Variants in NPHS2 observed in about 807,000 individuals in gnomAD.
The protein encoded by NPHS2 is podocin.
Under a neutral mutation model 37.1 loss-of-function variants are expected in NPHS2, and 36 were observed. The ratio of observed to expected loss-of-function variants is 0.97; its 90% CI spans 0.74 to 1.28. NPHS2 has a LOEUF of 1.28. NPHS2 is among the 50% of genes most tolerant of loss of function. NPHS2 has a pLI of 0.00. For synonymous variants in NPHS2, 196 were observed against 189.3 expected, an observed-to-expected ratio of 1.04 and a Z score of -0.29; for missense variants, 447 against 488.1, an observed-to-expected ratio of 0.92 and a Z score of 0.79.
At position 179,551,332 on chromosome 1, in the gene NPHS2, G is replaced by A; in HGVS notation, c.993C>T (p.Ser331=). Reference sequence around the variant, plus strand: ...AAACCACAGTGGAAGGCTTCTCTGTGGACAGAGACTGAAGGGTGTGGAGGT... The same window carrying A: ...AAACCACAGTGGAAGGCTTCTCTGTAGACAGAGACTGAAGGGTGTGGAGGT... The part of the protein sequence containing the change: ...LRYLHTLQSL[S]TEKPSTVVLP... Residue 331 remains serine, a synonymous_variant, in exon 8 of 8, where the codon TCC becomes TCT. Transcript: ENST00000367615. 6.2e-7 allele frequency: 1 copy of A among 1,614,162 alleles called. No individual in the cohort carries two copies. The highest frequency in any genetic ancestry group is 1.3e-5 in the African/African-American group (1 of 75,048).
At chr1:179,575,223 G>T (rs1251651904) in intron 1 of NPHS2, among the ~76,000 whole-genome samples, 1 of 152,134 alleles carries the variant, frequency 6.6e-6, no homozygotes, top group Non-Finnish European at 1.5e-5. Context: ...ACAGCCTACA[G>T]CCACCAGCTC....
At chr1:179,571,067 A>G (rs1674533626) in intron 1 of NPHS2, among the ~76,000 whole-genome samples, 1 of 152,220 alleles carries the variant, frequency 6.6e-6, no homozygotes. Context: ...TACTTCTGTC[A>G]AGTCCTCAAA....
chr1:179,573,272 C>A (rs1243633079), intron 1 of NPHS2, among the ~76,000 whole-genome samples: 1 of 152,146 alleles, frequency 6.6e-6, no homozygotes, highest in Non-Finnish European at 1.5e-5. Context: ...GCAAGCTGCA[C>A]CAGCACAAAA....
chr1:179,557,552 T>C (rs919785724), intron 4 of NPHS2, among the ~76,000 whole-genome samples: 12 of 152,190 alleles, frequency 7.9e-5, no homozygotes, highest in Non-Finnish European at 1.8e-4. Flanking sequence ...AAGAGAAGCA[T>C]GTTCTGGGAA....
chr1:179,550,552 C>CT lies in NPHS2; in HGVS notation c.*620dup, dbSNP rs1259791335. 4 of 152,308 alleles carry CT rather than the reference C, an allele frequency of 2.6e-5. No homozygotes were observed. The highest frequency in any genetic ancestry group is 6.5e-5 in the Admixed American group (1 of 15,286). The allele number at this position is 152,308 out of a possible 1,614,324, so 9.4% of individuals were successfully genotyped here. A position where few individuals can be genotyped will look rare whatever the true frequency, so the allele number is the denominator to read the frequency against. On this transcript the variant is annotated 3_prime_UTR_variant, in exon 8 of 8. Transcript: ENST00000367615. ...CCACAAAAAGAATTCCTTTTAAATG[C>CT]TTTAATTAGGGATAAATTGTATATC...
Position 179,559,731 on chromosome 1 carries a change from G to C in NPHS2, c.482C>G (p.Thr161Ser). 2 of 1,591,372 alleles carry C rather than the reference G, an allele frequency of 1.3e-6. No homozygotes were observed. Residue 161 changes from threonine to serine, a missense_variant, in exon 4 of 8, where the codon ACC (threonine) becomes AGC (serine). By Grantham distance (58) the Thr-to-Ser change is moderately conservative. Transcript: ENST00000367615. ...GAGACGAAGGTCAACCTTGTGGTAGGTATCCAGGCAGGGCAAAAAAAAGAA... is the reference window on the plus strand; with the variant it reads ...GAGACGAAGGTCAACCTTGTGGTAGCTATCCAGGCAGGGCAAAAAAAAGAA... Reference protein sequence around the residue: ...GLFFFLPCLDTYHKVDLRLQT... With the variant: ...GLFFFLPCLDSYHKVDLRLQT...
Position 179,551,961 on chromosome 1 carries a change from A to G in NPHS2, c.874-510T>C, listed in dbSNP as rs184323839. On this transcript the variant is annotated intron_variant, in intron 7 of 7. Coordinates refer to ENST00000367615, the MANE Select transcript of NPHS2 (RefSeq NM_014625.4). ...CCCTTCCTCATCCCCGCCTCCCCTC[A>G]GTGATCCACAGGCAATGATCCTCTT... 53 of 172,154 alleles carry G rather than the reference A, an allele frequency of 3.1e-4. 1 individual carries two copies. In the East Asian group the frequency reaches 8.0e-3, roughly 26 times the overall value. 10.7% of individuals were successfully genotyped at this position (172,154 alleles called of 1,614,324 possible). A position where few individuals can be genotyped will look rare whatever the true frequency, so the allele number is the denominator to read the frequency against.
chr1:179,556,936 A>C lies in NPHS2; in HGVS notation c.738+91T>G. The C allele has an allele frequency of 8.1e-6, 10 of 1,227,064 alleles. No homozygotes were observed. Among genetic ancestry groups the C allele is most frequent in the African/African-American group, 1.5e-5 (1 of 66,704 alleles). The allele number at this position is 1,227,064 out of a possible 1,614,324, so 76.0% of individuals were successfully genotyped here. A position where few individuals can be genotyped will look rare whatever the true frequency, so the allele number is the denominator to read the frequency against. ...AAAGGGATGGCCCCTAAGGGATGGA[A>C]CTGGCCATAGAAGATTTAATAAATG... On this transcript the variant is annotated intron_variant, in intron 5 of 7. Coordinates refer to ENST00000367615, the MANE Select transcript of NPHS2 (RefSeq NM_014625.4). The surrounding 1 kb of genome is among the most constrained non-coding windows in gnomAD (Gnocchi z 4.1).
Position 179,551,300 on chromosome 1 carries a change from A to G in NPHS2, c.1025T>C (p.Leu342Ser). The G allele has an allele frequency of 6.2e-7, 1 of 1,614,134 alleles. No individual in the cohort carries two copies. Among genetic ancestry groups the G allele is most frequent in the South Asian group, 1.1e-5 (1 of 91,078 alleles). ...CAGGCAATTCAGTAGGTCAAATGGCAAAGGTAAAACCACAGTGGAAGGCTT... is the reference window on the plus strand; with the variant it reads ...CAGGCAATTCAGTAGGTCAAATGGCGAAGGTAAAACCACAGTGGAAGGCTT... Reference protein sequence around the residue: ...TEKPSTVVLPLPFDLLNCLSS... With the variant: ...TEKPSTVVLPSPFDLLNCLSS... The change falls in exon 8 of 8, where the codon TTG becomes TCG. Residue 342 changes from leucine to serine, a missense_variant. By Grantham distance (145) the Leu-to-Ser change is moderately radical. Transcript: ENST00000367615.
chr1:179,552,577 T>G (rs763475216), intron 7 of NPHS2, 26 bp downstream of exon 7: 1 of 1,599,558 alleles, frequency 6.3e-7, no homozygotes, highest in South Asian at 1.1e-5. Flanking sequence ...TAAAGGGCAG[T>G]CTGGGTGGGA....
At chr1:179,564,856 T>G (rs1299496216) in intron 1 of NPHS2, 63 bp from the exon 2 acceptor site, 2 of 1,304,812 alleles carry the variant, frequency 1.5e-6, no homozygotes, top group Non-Finnish European at 2.2e-6. Flanking sequence ...CTGACTAGCA[T>G]CTGTTGGTCC....
In NPHS2 at chr1:179,550,961, C is replaced by T; in HGVS notation, c.*212G>A. ...AAGCTGTTTCCCATAATTGCTCTGA[C>T]TAGATGAGTCACGGAAACATGTTGT... On this transcript the variant is annotated 3_prime_UTR_variant, in exon 8 of 8. Coordinates refer to ENST00000367615, the MANE Select transcript of NPHS2 (RefSeq NM_014625.4). 1.6e-6 allele frequency: 1 copy of T among 620,976 alleles called. No individual in the cohort carries two copies. 38.5% of individuals were successfully genotyped at this position (620,976 alleles called of 1,614,324 possible).
Position 179,556,179 on chromosome 1 carries a change from T to TA in NPHS2, c.738+847dup, listed in dbSNP as rs1673916305. ...AAGGAGGGTGAAGGGGGACATCCCA[T>TA]AAAGCATAATTGCCACCAGTGCCTT... is the stretch of plus-strand genomic sequence containing the variant. On this transcript the variant is annotated intron_variant, in intron 5 of 7. Transcript: ENST00000367615. This position sits in a 1 kb window ranked among gnomAD's most constrained non-coding sequence, Gnocchi z 4.1. Among the ~76,000 whole-genome samples the TA allele has an allele frequency of 2.0e-5, 3 of 152,346 alleles. No individual in the cohort carries two copies. Among genetic ancestry groups the TA allele is most frequent in the Non-Finnish European group, 2.9e-5 (2 of 68,024 alleles).
At chr1:179,574,764 C>T (rs1356259508) in intron 1 of NPHS2, among the ~76,000 whole-genome samples, 1 of 152,200 alleles carries the variant, frequency 6.6e-6, no homozygotes, top group Non-Finnish European at 1.5e-5. Flanking sequence ...TGTCATCCCA[C>T]TAAAGTGGTA....
rs1175010496 is a variant in NPHS2 at position 179,571,794 on chromosome 1, C to T, written c.274+3797G>A. ...GCAATGGTGGACACCCCACCCCCAGCGAGGCTGCGGCCTCGCAGATCAATC... is the reference window on the plus strand; with the variant it reads ...GCAATGGTGGACACCCCACCCCCAGTGAGGCTGCGGCCTCGCAGATCAATC... On this transcript the variant is annotated intron_variant, in intron 1 of 7. Transcript: ENST00000367615. 7.9e-5 allele frequency among the ~76,000 whole-genome samples: 12 copies of T among 152,360 alleles called. No individual in the cohort carries two copies. In the East Asian group the frequency reaches 1.5e-3, roughly 20 times the overall value.
At chr1:179,565,089 A>C (rs1674284433) in intron 1 of NPHS2, among the ~76,000 whole-genome samples, 1 of 151,926 alleles carries the variant, frequency 6.6e-6, no homozygotes. Flanking sequence ...TGGGCAACAT[A>C]GTGAGATCCT....
At chr1:179,564,940 C>CA in intron 1 of NPHS2, 147 bp from the exon 2 acceptor site, 2 of 705,846 alleles carry the variant, frequency 2.8e-6, no homozygotes, top group South Asian at 1.7e-5. Flanking sequence ...TCAGAGTAGT[C>CA]AGAGTTCACA....
Position 179,551,098 on chromosome 1 carries a change from G to A in NPHS2, c.*75C>T, listed in dbSNP as rs1673182737. The A allele has an allele frequency of 1.3e-6, 2 of 1,587,522 alleles. No individual in the cohort carries two copies. The highest frequency in any genetic ancestry group is 1.7e-6 in the Non-Finnish European group (2 of 1,158,430). ...CAACCAAAGGAAGGGCAGGGAATGA[G>A]GACAGAGTGTCTCCCTCAGGCATGT... On this transcript the variant is annotated 3_prime_UTR_variant, in exon 8 of 8. Coordinates refer to ENST00000367615, the MANE Select transcript of NPHS2 (RefSeq NM_014625.4).
intron 2 of NPHS2, among the ~76,000 whole-genome samples, chr1:179,563,029 G>T (rs551106279): frequency 2.0e-5 from 3 of 152,098 alleles, no homozygotes; most frequent in Non-Finnish European, 2.9e-5. Flanking sequence ...CAGGTGCTCA[G>T]GTCACCCTTT....
Sources: allele counts gnomAD v4.1 joint callset (sites outside exome capture counted in the v4.1 genomes callset), GRCh38; gene constraint gnomAD v4.1.1; non-coding constraint Gnocchi (gnomAD v3.1); transcripts MANE v1.5; gene names NCBI Gene and HGNC (gene_info 2026-07-23, HGNC 2026-07-21).